Variants in RHBDD1 observed in about 807,000 individuals in gnomAD.
The protein encoded by RHBDD1 is rhomboid-related protein 4.
In RHBDD1, 38 loss-of-function variants were observed where a neutral mutation model predicts 36.3. The observed-to-expected ratio is 1.05, with a 90% confidence interval of 0.81 to 1.37. The LOEUF (loss-of-function observed/expected upper bound fraction) is 1.37, where lower values mean the gene tolerates loss of function less well. Among genes scored for constraint, RHBDD1 ranks in the 40% most tolerant of loss-of-function variants. RHBDD1 has a pLI of 0.00. For missense variants in RHBDD1, 393 were observed against 377.6 expected (o/e 1.04, Z -0.34); for synonymous variants, 151 against 136.5 (o/e 1.11, Z -0.74).
At chr2:226,907,737 G>C (rs1948169458) in intron 6 of RHBDD1, among the ~76,000 whole-genome samples, 1 of 152,110 alleles carries the variant, frequency 6.6e-6, no homozygotes. Flanking sequence ...GTTCACTTTT[G>C]GTTGATTTTT....
At chr2:226,897,824 C>T (rs1279444076) in intron 5 of RHBDD1, among the ~76,000 whole-genome samples, 1 of 151,942 alleles carries the variant, frequency 6.6e-6, no homozygotes, top group Non-Finnish European at 1.5e-5. Context: ...AACAAACAAA[C>T]AAAAATTAGC....
chr2:226,942,261 CAG>C (rs1047002593), intron 8 of RHBDD1, among the ~76,000 whole-genome samples: 1 of 142,392 alleles, frequency 7.0e-6, no homozygotes, highest in Non-Finnish European at 1.5e-5. Flanking sequence ...TTTTTTGAGA[CAG>C]AGTCTCGTTC....
At chr2:226,986,814 G>T (rs1252776515) in intron 8 of RHBDD1, among the ~76,000 whole-genome samples, 2 of 152,236 alleles carry the variant, frequency 1.3e-5, no homozygotes, top group Admixed American at 6.5e-5. Flanking sequence ...ATTTGACTCA[G>T]CAATCCATTA....
chr2:226,915,096 A>G (rs1948804936), intron 8 of RHBDD1, among the ~76,000 whole-genome samples: 1 of 152,108 alleles, frequency 6.6e-6, no homozygotes, highest in Non-Finnish European at 1.5e-5. Flanking sequence ...GTGTTTGGGC[A>G]TATGCCTACT....
In RHBDD1 at chr2:226,999,130, T is replaced by G. The variant is rs1960303984; in HGVS notation, c.*3608T>G. 1 of 152,246 alleles carries G rather than the reference T, an allele frequency of 6.6e-6. No homozygotes were observed. The highest frequency in any genetic ancestry group is 6.5e-5 in the Admixed American group (1 of 15,282). 9.4% of individuals were successfully genotyped at this position (152,246 alleles called of 1,614,324 possible). A position where few individuals can be genotyped will look rare whatever the true frequency, so the allele number is the denominator to read the frequency against. ...CATGAGGGCAGGGACCATCTGTTTC[T>G]CTGTCTCTCCTCACAGTGCCTTGAG... On this transcript the variant is annotated 3_prime_UTR_variant, in exon 9 of 9. Transcript: ENST00000392062.
At chr2:226,824,745 C>T in the RHBDD1 span, among the ~76,000 whole-genome samples, 2 of 152,310 alleles carry the variant, frequency 1.3e-5, no homozygotes, top group East Asian at 3.9e-4. Flanking sequence ...CTTCAGTCAC[C>T]ATCAGGGCTG....
chr2:226,835,908 G>T (rs1385516808), upstream of RHBDD1: 1 of 152,450 alleles, frequency 6.6e-6, no homozygotes, highest in East Asian at 1.9e-4. Context: ...GGCGCACGCG[G>T]TCTGCAGACA....
intron 5 of RHBDD1, among the ~76,000 whole-genome samples, chr2:226,897,724 C>A (rs968085833): frequency 6.6e-6 from 1 of 152,132 alleles, no homozygotes; most frequent in African/African-American, 2.4e-5. Context: ...TTAATCCCAG[C>A]GCTTTGGGAG....
rs200491448 is a variant in RHBDD1 at position 226,914,360 on chromosome 2, C to T, written c.856+9C>T. On this transcript the variant is annotated intron_variant, in intron 8 of 8. Coordinates refer to ENST00000392062, the MANE Select transcript of RHBDD1 (RefSeq NM_001167608.3). ...CAGCCTCTGGGACCGAGGTAGGAGT[C>T]TTGCGCCCTTCAGTTATTTTAAAGC... The T allele has an allele frequency of 6.2e-7, 1 of 1,608,914 alleles. No homozygotes were observed. Among genetic ancestry groups the T allele is most frequent in the African/African-American group, 1.3e-5 (1 of 74,872 alleles).
At chr2:226,898,206 C>T (rs1378126189) in intron 5 of RHBDD1, among the ~76,000 whole-genome samples, 1 of 152,150 alleles carries the variant, frequency 6.6e-6, no homozygotes, top group African/African-American at 2.4e-5. Context: ...AAAGCCATGG[C>T]AGAATGCGAC....
intron 8 of RHBDD1, among the ~76,000 whole-genome samples, chr2:226,915,550 G>C (rs1864271): frequency 0.42 from 63,580 of 152,098 alleles, 15,008 homozygotes; most frequent in African/African-American, 0.64. Context: ...ATTCTGCGAA[G>C]AAGATTGAGC....
At chr2:226,907,724 C>T (rs1350553843) in intron 6 of RHBDD1, among the ~76,000 whole-genome samples, 1 of 152,272 alleles carries the variant, frequency 6.6e-6, no homozygotes, top group South Asian at 2.1e-4. Flanking sequence ...ATTAGCAGGT[C>T]GTGTTCACTT....
chr2:226,889,020 AT>A (rs1318671854), intron 5 of RHBDD1, among the ~76,000 whole-genome samples: 2 of 152,214 alleles, frequency 1.3e-5, no homozygotes, highest in African/African-American at 2.4e-5. Context: ...TGCAGCAGTA[AT>A]TTTAAAGATT....
intron 8 of RHBDD1, among the ~76,000 whole-genome samples, chr2:226,941,529 G>A (rs918164370): frequency 6.6e-6 from 1 of 152,178 alleles, no homozygotes; most frequent in Non-Finnish European, 1.5e-5. Flanking sequence ...GTTTTGCTAT[G>A]GGAATTGACT....
intron 8 of RHBDD1, among the ~76,000 whole-genome samples, chr2:226,994,474 G>C (rs1958962831): frequency 6.6e-6 from 1 of 152,210 alleles, no homozygotes; most frequent in East Asian, 1.9e-4. Flanking sequence ...CATTACAAGA[G>C]TGAGTAAGAC....
At chr2:226,881,606 G>C (rs1336962111) in intron 5 of RHBDD1, among the ~76,000 whole-genome samples, 1 of 149,294 alleles carries the variant, frequency 6.7e-6, no homozygotes, top group Admixed American at 6.6e-5. Flanking sequence ...TATATTCCCA[G>C]AACAAGGTGA....
chr2:226,919,927 T>C (rs965023036), intron 8 of RHBDD1, among the ~76,000 whole-genome samples: 1 of 152,092 alleles, frequency 6.6e-6, no homozygotes, highest in African/African-American at 2.4e-5. Flanking sequence ...ATGGACATTT[T>C]AACAATATTG....
intron 8 of RHBDD1, among the ~76,000 whole-genome samples, chr2:226,963,275 A>G (rs1029651734): frequency 2.4e-4 from 37 of 152,210 alleles, no homozygotes; most frequent in Admixed American, 2.0e-4. Flanking sequence ...ATCATTTACC[A>G]GGCATCATGA....
Position 226,995,497 on chromosome 2 carries a change from G to A in RHBDD1, c.923G>A (p.Arg308Gln), listed in dbSNP as rs576585320. ...HLSPEEMRRQ[R>Q]LHRFDSQ ...TCACCAGAAGAAATGAGGAGACAGC[G>A]GCTTCACAGATTCGATAGCCAGTGA... Residue 308 changes from arginine (R) to glutamine (Q), a missense_variant, in exon 9 of 9, where the codon CGG becomes CAG. Physicochemically the swap from Arg to Gln is conservative, Grantham distance 43. Transcript: ENST00000392062. 8.4e-5 allele frequency: 136 copies of A among 1,612,464 alleles called. No individual in the cohort carries two copies. In the South Asian group the frequency reaches 1.1e-3, roughly 13 times the overall value.
Sources: allele counts gnomAD v4.1 joint callset (sites outside exome capture counted in the v4.1 genomes callset), GRCh38; gene constraint gnomAD v4.1.1; transcripts MANE v1.5; gene names NCBI Gene and HGNC (gene_info 2026-07-23, HGNC 2026-07-21).